NRXN1: variants seen among roughly 807,000 people sequenced by gnomAD.
NRXN1 encodes the protein neurexin-1.
In NRXN1, 39 loss-of-function variants were observed where a neutral mutation model predicts 150.9. The ratio of observed to expected loss-of-function variants is 0.26; its 90% CI spans 0.20 to 0.34. NRXN1 has a LOEUF of 0.34. Ranked by LOEUF, NRXN1 falls within the 10% of genes least tolerant of loss-of-function variation. The pLI, the probability that NRXN1 is intolerant of heterozygous loss-of-function variation, is 1.00. For missense variants in NRXN1, 1,815 were observed against 1,949.9 expected (o/e 0.93, Z 1.30); for synonymous variants, 924 against 757.0 (o/e 1.22, Z -3.62).
At chr2:50,271,137 A>G (rs1263066295) in intron 17 of NRXN1, among the ~76,000 whole-genome samples, 1 of 152,188 alleles carries the variant, frequency 6.6e-6, no homozygotes, top group Non-Finnish European at 1.5e-5. Context: ...ACACTACTGG[A>G]CAATATTGAT....
chr2:50,029,251 CT>C (rs1688828230), intron 21 of NRXN1, among the ~76,000 whole-genome samples: 1 of 152,188 alleles, frequency 6.6e-6, no homozygotes, highest in South Asian at 2.1e-4. Context: ...TGATCATGGA[CT>C]TCTAGCCTCC....
chr2:50,640,245 G>T (rs1465281394), intron 5 of NRXN1, among the ~76,000 whole-genome samples: 1 of 152,092 alleles, frequency 6.6e-6, no homozygotes, highest in African/African-American at 2.4e-5. Context: ...CTAATATGTG[G>T]AAATGGTAAA....
chr2:49,968,208 A>C (rs559397341), intron 21 of NRXN1, among the ~76,000 whole-genome samples: 1 of 152,126 alleles, frequency 6.6e-6, no homozygotes, highest in East Asian at 1.9e-4. Context: ...TTATTGCTAC[A>C]GCAATTTATA....
At chr2:50,414,216 A>T (rs2083382597) in intron 17 of NRXN1, among the ~76,000 whole-genome samples, 1 of 152,142 alleles carries the variant, frequency 6.6e-6, no homozygotes, top group African/African-American at 2.4e-5. Flanking sequence ...GATTGTTTGT[A>T]GCTCAAAGGA....
intron 19 of NRXN1, among the ~76,000 whole-genome samples, chr2:50,078,908 A>T (rs1400573395): frequency 6.6e-6 from 1 of 152,082 alleles, no homozygotes; most frequent in Non-Finnish European, 1.5e-5. Context: ...ATAAATTACT[A>T]ATTTCTACTG....
chr2:50,117,017 C>G (rs777110597), intron 18 of NRXN1, among the ~76,000 whole-genome samples: 27 of 152,004 alleles, frequency 1.8e-4, no homozygotes, highest in Non-Finnish European at 3.1e-4. Context: ...ACAAAAATAA[C>G]AGAAAATTGC....
At chr2:50,460,771 T>A (rs752486783) in intron 17 of NRXN1, among the ~76,000 whole-genome samples, 4 of 152,078 alleles carry the variant, frequency 2.6e-5, no homozygotes, top group African/African-American at 9.7e-5. Context: ...TGTTTCCCCA[T>A]AGTTTTTTTA....
intron 2 of NRXN1, among the ~76,000 whole-genome samples, chr2:51,016,732 G>C (rs1668720482): frequency 6.6e-6 from 1 of 152,112 alleles, no homozygotes; most frequent in Non-Finnish European, 1.5e-5. Flanking sequence ...GGTACCATTT[G>C]ACCCAGCAAT....
intron 5 of NRXN1, among the ~76,000 whole-genome samples, chr2:50,674,255 A>C (rs1301411696): frequency 6.6e-6 from 1 of 152,136 alleles, no homozygotes; most frequent in Non-Finnish European, 1.5e-5. Flanking sequence ...CTCGTTAGAT[A>C]ACAGAGCCTA....
At chr2:50,106,397 C>T (rs984458222) in intron 18 of NRXN1, among the ~76,000 whole-genome samples, 1 of 151,972 alleles carries the variant, frequency 6.6e-6, no homozygotes, top group Non-Finnish European at 1.5e-5. Context: ...AAAACTCTTT[C>T]TCCTTAATCA....
At chr2:50,579,742 G>A (rs2103630863) in intron 8 of NRXN1, among the ~76,000 whole-genome samples, 1 of 152,228 alleles carries the variant, frequency 6.6e-6, no homozygotes, top group Admixed American at 6.5e-5. Flanking sequence ...GATTCACAAG[G>A]TTGCATTATT....
intron 17 of NRXN1, among the ~76,000 whole-genome samples, chr2:50,269,688 C>T (rs1178236205): frequency 3.3e-5 from 5 of 152,130 alleles, no homozygotes; most frequent in Non-Finnish European, 7.4e-5. Context: ...GTTTTGCAAA[C>T]TAGTCGAGTT....
chr2:50,587,868 A>G (rs2351768), intron 8 of NRXN1, among the ~76,000 whole-genome samples: 72,132 of 151,998 alleles, frequency 0.47, 17,582 homozygotes, highest in East Asian at 0.82. Context: ...AGTTAACAGT[A>G]CAAGCCAGGG....
chr2:50,035,110 A>C (rs1490907539), intron 21 of NRXN1, among the ~76,000 whole-genome samples: 1 of 152,180 alleles, frequency 6.6e-6, no homozygotes, highest in Admixed American at 6.6e-5. Flanking sequence ...AGGAAGAAAT[A>C]AAAGAATATA....
chr2:50,202,155 C>T (rs947035757), intron 18 of NRXN1, among the ~76,000 whole-genome samples: 1 of 152,218 alleles, frequency 6.6e-6, no homozygotes, highest in African/African-American at 2.4e-5. Context: ...CAAAGGGCTA[C>T]AGCAAACGAA....
chr2:50,862,669 G>T (rs1468096111), intron 5 of NRXN1, among the ~76,000 whole-genome samples: 1 of 152,062 alleles, frequency 6.6e-6, no homozygotes, highest in African/African-American at 2.4e-5. Context: ...GTACATGACT[G>T]CTGTTTATTG....
intron 8 of NRXN1, among the ~76,000 whole-genome samples, chr2:50,570,675 T>G (rs894596408): frequency 1.3e-5 from 2 of 152,112 alleles, no homozygotes; most frequent in Non-Finnish European, 2.9e-5. Flanking sequence ...ATAAATTATA[T>G]TAAACCCATC....
intron 5 of NRXN1, among the ~76,000 whole-genome samples, chr2:50,902,825 A>C: frequency 6.6e-6 from 1 of 152,326 alleles, no homozygotes; most frequent in Middle Eastern, 3.4e-3. Flanking sequence ...AGTTATTATA[A>C]CAGATAAGAA....
intron 2 of NRXN1, among the ~76,000 whole-genome samples, chr2:50,981,509 C>G (rs965060089): frequency 1.4e-5 from 2 of 140,134 alleles, no homozygotes; most frequent in African/African-American, 5.4e-5. Flanking sequence ...TAGAAACATA[C>G]CCAACTTATT....
Sources: allele counts gnomAD v4.1 joint callset (sites outside exome capture counted in the v4.1 genomes callset), GRCh38; gene constraint gnomAD v4.1.1; transcripts MANE v1.5; gene names NCBI Gene and HGNC (gene_info 2026-07-23, HGNC 2026-07-21).